The following GRIA4 variants were observed in gnomAD, a reference collection of about 807,000 sequenced individuals.
GRIA4 encodes the protein glutamate receptor 4.
A neutral mutation model predicts 104.0 loss-of-function variants in GRIA4; 34 were observed. That is an observed-to-expected ratio of 0.33 (90% CI 0.25 to 0.44). The LOEUF (loss-of-function observed/expected upper bound fraction) is 0.44, where lower values mean the gene tolerates loss of function less well. Ranked by LOEUF, GRIA4 falls within the 20% of genes least tolerant of loss-of-function variation. The pLI is 1.00. For synonymous variants in GRIA4, 386 were observed against 381.9 expected, an observed-to-expected ratio of 1.01 and a Z score of -0.13; for missense variants, 750 against 1,096.5, an observed-to-expected ratio of 0.68 and a Z score of 4.46.
At chr11:105,613,240 A>G (rs1444742067) in intron 3 of GRIA4, 1 of 149,252 alleles carries the variant, frequency 6.7e-6, no homozygotes, top group African/African-American at 2.5e-5. Context: ...AACTTAATGT[A>G]AAAAAAAAAT....
chr11:105,762,652 T>C (rs930751907), intron 4 of GRIA4, among the ~76,000 whole-genome samples: 1 of 152,196 alleles, frequency 6.6e-6, no homozygotes, highest in Non-Finnish European at 1.5e-5. Context: ...GTTTGAATCA[T>C]GGGGATGGGT....
chr11:105,823,951 A>C (rs1943671014), intron 4 of GRIA4, among the ~76,000 whole-genome samples: 1 of 152,090 alleles, frequency 6.6e-6, no homozygotes, highest in African/African-American at 2.4e-5. Flanking sequence ...ATACAAAGGG[A>C]ATTTGGACAT....
chr11:105,932,107 A>C (rs899875866), intron 13 of GRIA4, among the ~76,000 whole-genome samples: 2 of 151,770 alleles, frequency 1.3e-5, no homozygotes, highest in African/African-American at 4.8e-5. Flanking sequence ...AAACAAATGC[A>C]GTTGCACCAG....
At chr11:105,916,527 CTT>C (rs1947411001) in intron 10 of GRIA4, among the ~76,000 whole-genome samples, 1 of 152,174 alleles carries the variant, frequency 6.6e-6, no homozygotes, top group East Asian at 1.9e-4. Context: ...AAGGGGCACA[CTT>C]GACTTATTTT....
intron 4 of GRIA4, among the ~76,000 whole-genome samples, chr11:105,851,639 G>T (rs1483520816): frequency 1.3e-5 from 2 of 152,080 alleles, no homozygotes; most frequent in African/African-American, 4.8e-5. Flanking sequence ...TTAGCGCAGG[G>T]AATAGCCATT....
intron 3 of GRIA4, among the ~76,000 whole-genome samples, chr11:105,624,432 AC>A (rs1478931590): frequency 1.1e-3 from 170 of 152,216 alleles, no homozygotes; most frequent in African/African-American, 3.9e-3. Context: ...CTTCCTCAGT[AC>A]TTCTTGGAAC....
chr11:105,639,449 TAG>T (rs1951297123), intron 3 of GRIA4, among the ~76,000 whole-genome samples: 1 of 152,036 alleles, frequency 6.6e-6, no homozygotes, highest in African/African-American at 2.4e-5. Flanking sequence ...TATTCATGAC[TAG>T]AGTCAATTAT....
intron 3 of GRIA4, among the ~76,000 whole-genome samples, chr11:105,687,805 T>C (rs1452266335): frequency 6.6e-6 from 1 of 152,166 alleles, no homozygotes; most frequent in Non-Finnish European, 1.5e-5. Flanking sequence ...TCACAGATGC[T>C]CAGTGTCACT....
intron 2 of GRIA4, among the ~76,000 whole-genome samples, chr11:105,612,052 G>A (rs548090749): frequency 2.6e-5 from 4 of 152,252 alleles, no homozygotes; most frequent in African/African-American, 7.2e-5. Context: ...GGTCTCAGAG[G>A]TCATTGTGAG....
chr11:105,971,488 T>TAC (rs1858688796), intron 14 of GRIA4, among the ~76,000 whole-genome samples: 2 of 152,166 alleles, frequency 1.3e-5, no homozygotes, highest in Admixed American at 1.3e-4. Flanking sequence ...ATAAGCTGAA[T>TAC]CATAATGCAT....
rs1167199051 is a variant in GRIA4 at position 105,775,065 on chromosome 11, G to A, written c.487+21845G>A. Among the ~76,000 whole-genome samples the A allele has an allele frequency of 2.0e-5, 3 of 152,090 alleles. No individual in the cohort carries two copies. In the East Asian group the frequency reaches 5.8e-4, roughly 29 times the overall value. On this transcript the variant is annotated intron_variant, in intron 4 of 16. Transcript: ENST00000282499. ...TTCTCTGCCTCCTCAGGCTTCCAGA[G>A]CTCCATTCCTTGCATTCTTTGGTAC...
At chr11:105,789,779 A>ATG (rs1942134207) in intron 4 of GRIA4, among the ~76,000 whole-genome samples, 1 of 152,226 alleles carries the variant, frequency 6.6e-6, no homozygotes, top group Non-Finnish European at 1.5e-5. Flanking sequence ...ATTTAAGCTT[A>ATG]CATAAGCACA....
At chr11:105,947,676 C>T (rs545377853) in intron 14 of GRIA4, among the ~76,000 whole-genome samples, 1 of 152,280 alleles carries the variant, frequency 6.6e-6, no homozygotes, top group Non-Finnish European at 1.5e-5. Flanking sequence ...AGTGTCCAAA[C>T]TAATAGCTTA....
At chr11:105,768,623 T>C (rs1941063684) in intron 4 of GRIA4, among the ~76,000 whole-genome samples, 1 of 152,066 alleles carries the variant, frequency 6.6e-6, no homozygotes, top group South Asian at 2.1e-4. Context: ...TGTGAATCAG[T>C]ATGAATGAGT....
chr11:105,841,544 TC>T (rs1944396871), intron 4 of GRIA4, among the ~76,000 whole-genome samples: 1 of 152,176 alleles, frequency 6.6e-6, no homozygotes, highest in South Asian at 2.1e-4. Flanking sequence ...GGTTTTTTTT[TC>T]ATTTGAAAAA....
chr11:105,641,749 T>C (rs1345469375), intron 3 of GRIA4, among the ~76,000 whole-genome samples: 1 of 152,172 alleles, frequency 6.6e-6, no homozygotes, highest in Non-Finnish European at 1.5e-5. Flanking sequence ...ACTGTGTTAC[T>C]AGGCCCAAAG....
intron 10 of GRIA4, among the ~76,000 whole-genome samples, chr11:105,911,510 A>G (rs1283748080): frequency 6.6e-6 from 1 of 151,636 alleles, no homozygotes; most frequent in African/African-American, 2.4e-5. Flanking sequence ...TTTAGTTTTT[A>G]GCTTTTGTCA....
intron 5 of GRIA4, among the ~76,000 whole-genome samples, chr11:105,879,388 T>A (rs1328668017): frequency 6.6e-6 from 1 of 152,236 alleles, no homozygotes; most frequent in East Asian, 1.9e-4. Flanking sequence ...TACTTTGAGC[T>A]TGTTGTACAT....
chr11:105,865,269 T>C (rs1161086774), intron 5 of GRIA4, among the ~76,000 whole-genome samples: 1 of 152,200 alleles, frequency 6.6e-6, no homozygotes, highest in African/African-American at 2.4e-5. Flanking sequence ...AGAAACATAT[T>C]GAAACCACAA....
Sources: gnomAD v4.1 joint callset for allele counts (sites outside exome capture counted in the v4.1 genomes callset) on GRCh38, gnomAD v4.1.1 for gene constraint, MANE v1.5 for transcripts, NCBI Gene and HGNC (gene_info 2026-07-23, HGNC 2026-07-21) for gene names.